ZCCHC7: variants seen among roughly 807,000 people sequenced by gnomAD.
ZCCHC7 encodes zinc finger CCHC domain-containing protein 7.
ZCCHC7 carries 35 observed loss-of-function variants against 52.0 expected under a neutral mutation model. The ratio of observed to expected loss-of-function variants is 0.67; its 90% confidence interval spans 0.51 to 0.89. The LOEUF is 0.89. Among genes scored for constraint, ZCCHC7 ranks in the 40% least tolerant of loss-of-function variants. The pLI, the probability that ZCCHC7 is intolerant of heterozygous loss-of-function variation, is 0.00. For missense variants in ZCCHC7, 574 were observed against 649.1 expected (o/e 0.88, Z 1.26); for synonymous variants, 217 against 221.5 (o/e 0.98, Z 0.18).
chr9:37,121,143 G>T (rs1842298990), intron 1 of ZCCHC7, among the ~76,000 whole-genome samples: 1 of 152,108 alleles, frequency 6.6e-6, no homozygotes, highest in African/African-American at 2.4e-5. Context: ...TTACTAAGGC[G>T]CCCTTTATCC....
At chr9:37,172,661 A>T (rs1204117323) in intron 2 of ZCCHC7, among the ~76,000 whole-genome samples, 1 of 152,220 alleles carries the variant, frequency 6.6e-6, no homozygotes, top group Non-Finnish European at 1.5e-5. Context: ...TGATTGAGCA[A>T]TGTGGGCATT....
At chr9:37,121,161 C>A (rs971896370) in intron 1 of ZCCHC7, among the ~76,000 whole-genome samples, 3 of 152,172 alleles carry the variant, frequency 2.0e-5, no homozygotes, top group Non-Finnish European at 2.9e-5. Flanking sequence ...TCCCTCCCAT[C>A]CTGTGAGCGG....
rs1415670162 is a variant in ZCCHC7 at position 37,126,509 on chromosome 9, T to C, written c.177T>C (p.Ser59=). ...IREEEHEEKN[S]GNSESSSSKP... ...AGGAAGAGCATGAAGAAAAGAACTC[T>C]GGGAATTCGGAATCTTCGAGTAGTA... The change falls in exon 2 of 9, where the codon TCT becomes TCC. Residue 59 remains serine (S), a synonymous_variant. Transcript: ENST00000336755. 1.2e-6 allele frequency: 2 copies of C among 1,613,700 alleles called. No individual in the cohort carries two copies. Among genetic ancestry groups the C allele is most frequent in the African/African-American group, 2.7e-5 (2 of 74,922 alleles).
intron 2 of ZCCHC7, among the ~76,000 whole-genome samples, chr9:37,161,478 G>C (rs1821101614): frequency 6.6e-6 from 1 of 152,106 alleles, no homozygotes; most frequent in Non-Finnish European, 1.5e-5. Flanking sequence ...GGGAGGCTGA[G>C]GCAGGAGAAG....
intron 2 of ZCCHC7, among the ~76,000 whole-genome samples, chr9:37,301,646 G>A (rs568872172): frequency 6.6e-6 from 1 of 152,222 alleles, no homozygotes; most frequent in East Asian, 1.9e-4. Context: ...TAACAAGAGG[G>A]GGTAGCTTAG....
chr9:37,328,623 G>T (rs754987358), intron 6 of ZCCHC7, among the ~76,000 whole-genome samples: 1 of 151,744 alleles, frequency 6.6e-6, no homozygotes, highest in Non-Finnish European at 1.5e-5. Context: ...ATTAAAAGTT[G>T]TTAAACATTG....
At chr9:37,175,316 T>C (rs1821958926) in intron 2 of ZCCHC7, among the ~76,000 whole-genome samples, 1 of 152,142 alleles carries the variant, frequency 6.6e-6, no homozygotes, top group Admixed American at 6.5e-5. Context: ...AACTGAGGAC[T>C]GATGTTCATT....
intron 5 of ZCCHC7, among the ~76,000 whole-genome samples, chr9:37,316,319 C>T (rs1157025237): frequency 6.6e-6 from 1 of 151,024 alleles, no homozygotes; most frequent in Non-Finnish European, 1.5e-5. Flanking sequence ...CTCAGCCTCC[C>T]AAAGCGCTGG....
At chr9:37,168,974 C>T (rs1821580438) in intron 2 of ZCCHC7, among the ~76,000 whole-genome samples, 1 of 152,072 alleles carries the variant, frequency 6.6e-6, no homozygotes, top group South Asian at 2.1e-4. Flanking sequence ...TTAAAAGTTC[C>T]AGGACCCTTC....
At chr9:37,273,377 C>G (rs1827522398) in intron 2 of ZCCHC7, among the ~76,000 whole-genome samples, 2 of 152,160 alleles carry the variant, frequency 1.3e-5, no homozygotes, top group Non-Finnish European at 2.9e-5. Flanking sequence ...GTGGCGGGTG[C>G]CTGTAGTCCC....
intron 2 of ZCCHC7, among the ~76,000 whole-genome samples, chr9:37,283,137 C>A (rs1828051868): frequency 1.3e-5 from 2 of 151,936 alleles, no homozygotes; most frequent in African/African-American, 4.8e-5. Flanking sequence ...TGCTTGCAGT[C>A]AGTAGATAAG....
chr9:37,246,954 A>G (rs982583896), intron 2 of ZCCHC7, among the ~76,000 whole-genome samples: 3 of 152,068 alleles, frequency 2.0e-5, no homozygotes, highest in African/African-American at 7.2e-5. Context: ...CTTAAAACCT[A>G]CTCTCTTAGC....
chr9:37,182,401 G>A (rs1001696325), intron 2 of ZCCHC7, among the ~76,000 whole-genome samples: 10 of 150,786 alleles, frequency 6.6e-5, no homozygotes, highest in African/African-American at 2.2e-4. Context: ...GCCTAGGCTG[G>A]ATGTAGTTTC....
chr9:37,206,202 A>T (rs1269577821), intron 2 of ZCCHC7, among the ~76,000 whole-genome samples: 2 of 152,020 alleles, frequency 1.3e-5, no homozygotes, highest in Non-Finnish European at 2.9e-5. Context: ...CCCACACAAG[A>T]GAATAGTACT....
intron 2 of ZCCHC7, among the ~76,000 whole-genome samples, chr9:37,288,037 G>C (rs1828338515): frequency 6.6e-6 from 1 of 152,064 alleles, no homozygotes; most frequent in East Asian, 1.9e-4. Flanking sequence ...CAAGCAGTTT[G>C]GAAGGCTGAG....
In ZCCHC7 at chr9:37,194,677, G is replaced by C. The variant is rs144297170; in HGVS notation, c.610+67735G>C. The stretch of plus-strand genomic sequence containing the variant: ...GTGTTGTCCTGGTTAACTTCAGGAA[G>C]GCTTCTGTGTGAAATTATGCTGGAA... On this transcript the variant is annotated intron_variant, in intron 2 of 8. Coordinates refer to ENST00000336755, the MANE Select transcript of ZCCHC7 (RefSeq NM_032226.3). Among the ~76,000 whole-genome samples, 90 of 152,262 alleles carry C rather than the reference G, an allele frequency of 5.9e-4. No individual in the cohort carries two copies. The East Asian group carries it at 0.017, about 28-fold the overall frequency.
upstream of ZCCHC7, chr9:37,120,486 G>C (rs906236042): frequency 1.3e-5 from 5 of 398,770 alleles, no homozygotes; most frequent in African/African-American, 8.2e-5. Context: ...GCGGTGACTA[G>C]AGCTGTGTTG....
At chr9:37,143,725 A>AAATATTTTAACTTATTATTATT (rs1843324533) in intron 2 of ZCCHC7, among the ~76,000 whole-genome samples, 1 of 151,848 alleles carries the variant, frequency 6.6e-6, no homozygotes, top group African/African-American at 2.4e-5. Context: ...GATAAATATT[A>AAATATTTTAACTTATTATTATT]AAATTTTAAC....
chr9:37,262,028 A>C (rs939903545), intron 2 of ZCCHC7, among the ~76,000 whole-genome samples: 4 of 152,116 alleles, frequency 2.6e-5, no homozygotes, highest in South Asian at 4.1e-4. Flanking sequence ...GAGTCTCCTC[A>C]TTGTAGAAAA....
Sources: gnomAD v4.1 joint callset for allele counts (sites outside exome capture counted in the v4.1 genomes callset) on GRCh38, gnomAD v4.1.1 for gene constraint, MANE v1.5 for transcripts, NCBI Gene and HGNC (gene_info 2026-07-23, HGNC 2026-07-21) for gene names.